The following ROGDI variants were observed in gnomAD, a reference collection of about 807,000 sequenced individuals.
ROGDI encodes rogdi atypical leucine zipper, also known as protein rogdi homolog.
In ROGDI, 46 loss-of-function variants were observed where a neutral mutation model predicts 43.1. The ratio of observed to expected loss-of-function variants is 1.07; its 90% CI spans 0.84 to 1.37. ROGDI has a LOEUF of 1.37. Among genes scored for constraint, ROGDI ranks in the 40% most tolerant of loss-of-function variants. ROGDI has a pLI of 0.00. For synonymous variants in ROGDI, 243 were observed against 162.0 expected, an observed-to-expected ratio of 1.50 and a Z score of -3.80; for missense variants, 518 against 383.9, an observed-to-expected ratio of 1.35 and a Z score of -2.92.
At position 4,801,297 on chromosome 16, in the gene ROGDI, C is replaced by G; in HGVS notation, c.225G>C (p.Leu75=). 1 of 1,609,424 alleles carries G rather than the reference C, an allele frequency of 6.2e-7. No individual in the cohort carries two copies. Among genetic ancestry groups the G allele is most frequent in the African/African-American group, 1.3e-5 (1 of 74,968 alleles). The change falls in exon 4 of 11, where the codon CTG becomes CTC. Residue 75 remains leucine (L), a synonymous_variant. Transcript: ENST00000322048. ...SCGTDQVKGV[L]TLQGDALSQA... is the part of the protein sequence containing the mutation. ...GGCTGAGGGCATCCCCCTGCAGAGT[C>G]AGCACACCCTTCACCTGGTCTGTGC...
chr16:4,802,038 G>A (rs761482105), intron 2 of ROGDI: 9 of 589,516 alleles, frequency 1.5e-5, no homozygotes, highest in South Asian at 1.2e-4. Context: ...AGAAAAGGGA[G>A]GCCCAGGGAG....
intron 5 of ROGDI, 28 bp downstream of exon 5, chr16:4,800,470 G>A (rs1182807596): frequency 6.5e-7 from 1 of 1,539,448 alleles, no homozygotes; most frequent in Non-Finnish European, 8.8e-7. Context: ...CCTTGTGGCT[G>A]AGCACTAGCC....
At chr16:4,799,880 A>G (rs1482348883) in intron 5 of ROGDI, 99 bp from the exon 6 acceptor site, 6 of 827,488 alleles carry the variant, frequency 7.3e-6, no homozygotes, top group African/African-American at 6.8e-5. Context: ...TCCACTCTCC[A>G]CACTGTCATC....
At chr16:4,802,494 C>A (rs2082745776) in intron 1 of ROGDI, 33 bp downstream of exon 1, 1 of 1,210,202 alleles carries the variant, frequency 8.3e-7, no homozygotes, top group Admixed American at 4.5e-5. Context: ...CCCCGCCGCC[C>A]CGCCGGCCCG....
At position 4,797,827 on chromosome 16, in the gene ROGDI, G is replaced by A. The variant is rs764317895; in HGVS notation, c.709C>T (p.Gln237Ter). The change falls in exon 10 of 11, where the codon CAG (glutamine) becomes TAG (stop). Residue 237 changes from glutamine to a stop codon, truncating the protein, a stop_gained. Coordinates refer to ENST00000322048, the MANE Select transcript of ROGDI (RefSeq NM_024589.3). LOFTEE classifies it high-confidence loss of function. ...TGCACGTGGCTCACCTCCAGGCGCT[G>A]AGAGCCCCACTCGCTGTGGGCAGTG... The part of the protein sequence containing the change: ...SPGAMFEWGS[Q>*]RLEVSHVHKV... The A allele has an allele frequency of 3.7e-6, 6 of 1,611,962 alleles. No homozygotes were observed. In the South Asian group the frequency reaches 6.6e-5, roughly 18 times the overall value.
chr16:4,799,287 G>A (rs12596303), intron 6 of ROGDI, among the ~76,000 whole-genome samples: 1 of 152,074 alleles, frequency 6.6e-6, no homozygotes, highest in South Asian at 2.1e-4. Flanking sequence ...AGGGATCTTA[G>A]TCTATCTGGT....
At position 4,800,559 on chromosome 16, in the gene ROGDI, G is replaced by A. The variant is rs777014363; in HGVS notation, c.275C>T (p.Pro92Leu). 3 of 1,568,204 alleles carry A rather than the reference G, an allele frequency of 1.9e-6. No homozygotes were observed. Among genetic ancestry groups the A allele is most frequent in the Non-Finnish European group, 1.7e-6 (2 of 1,155,826 alleles). Reference protein sequence around the residue: ...LSQADVNLKMPRNNQLLHFAF... With the variant: ...LSQADVNLKMLRNNQLLHFAF... Reference sequence around the variant, plus strand: ...GAAGTGCAGCAGCTGGTTGTTCCGGGGCATCTTCAGGTTCACATCCTGACA... The same window carrying A: ...GAAGTGCAGCAGCTGGTTGTTCCGGAGCATCTTCAGGTTCACATCCTGACA... Residue 92 changes from proline (P) to leucine (L), a missense_variant, in exon 5 of 11, where the codon CCC (proline) becomes CTC (leucine). Coordinates refer to ENST00000322048, the MANE Select transcript of ROGDI (RefSeq NM_024589.3).
At chr16:4,800,985 T>C in intron 4 of ROGDI, 3 of 511,444 alleles carry the variant, frequency 5.9e-6, no homozygotes, top group East Asian at 3.2e-5. Context: ...CTGATTCAAC[T>C]GTGATGTGTG....
Position 4,797,463 on chromosome 16 carries a change from G to T in ROGDI, c.861C>A (p.Phe287Leu). The T allele has an allele frequency of 6.2e-7, 1 of 1,613,272 alleles. No homozygotes were observed. Among genetic ancestry groups the T allele is most frequent in the Non-Finnish European group, 8.5e-7 (1 of 1,179,502 alleles). Reference sequence around the variant, plus strand: ...GACAAGCTCCTGGGTGCTGTGATCAGAAGGGTCTGTAGCTCCAGTAGCTGG... The same window carrying T: ...GACAAGCTCCTGGGTGCTGTGATCATAAGGGTCTGTAGCTCCAGTAGCTGG... The part of the protein sequence containing the change: ...VFSSYWSYRP[F>L] The change falls in exon 11 of 11, where the codon TTC (phenylalanine) becomes TTA (leucine). Residue 287 changes from phenylalanine to leucine, a missense_variant. By Grantham distance (22) the Phe-to-Leu change is conservative. Coordinates refer to ENST00000322048, the MANE Select transcript of ROGDI (RefSeq NM_024589.3).
intron 2 of ROGDI, 163 bp downstream of exon 2, chr16:4,802,219 T>A: frequency 2.9e-6 from 2 of 692,992 alleles, no homozygotes; most frequent in Non-Finnish European, 5.1e-6. Flanking sequence ...CAGGTACTTA[T>A]ATAATGAGGT....
intron 10 of ROGDI, 22 bp from the exon 11 acceptor site, chr16:4,797,523 T>TTGCTGGGGGAGAGGGTGCTGC: frequency 6.3e-7 from 1 of 1,596,642 alleles, no homozygotes; most frequent in Non-Finnish European, 8.5e-7. Flanking sequence ...GAGGGTGCTG[T>TTGCTGGGGGAGAGGGTGCTGC]AGGTTGCTGA....
chr16:4,797,822 G>A lies in ROGDI; in HGVS notation c.714C>T (p.Arg238=), dbSNP rs767322805. 27 of 1,612,064 alleles carry A rather than the reference G, an allele frequency of 1.7e-5. No individual in the cohort carries two copies. Among genetic ancestry groups the A allele is most frequent in the African/African-American group, 5.3e-5 (4 of 74,900 alleles). The part of the protein sequence containing the change: ...PGAMFEWGSQ[R]LEVSHVHKVE... ...CTTTGTGCACGTGGCTCACCTCCAG[G>A]CGCTGAGAGCCCCACTCGCTGTGGG... The change falls in exon 10 of 11, where the codon CGC becomes CGT. Residue 238 remains arginine, a synonymous_variant. Transcript: ENST00000322048.
chr16:4,798,418 C>T (rs1341564401), intron 7 of ROGDI, 151 bp downstream of exon 7: 18 of 724,916 alleles, frequency 2.5e-5, no homozygotes, highest in African/African-American at 8.9e-5. Flanking sequence ...GGGCACAGGA[C>T]GGAAGCCAAG....
chr16:4,801,682 G>C, intron 2 of ROGDI, 97 bp from the exon 3 acceptor site: 4 of 1,206,656 alleles, frequency 3.3e-6, no homozygotes, highest in Non-Finnish European at 3.5e-6. Context: ...TCAGCGGGGG[G>C]AAGGAACAAC....
At position 4,800,372 on chromosome 16, in the gene ROGDI, A is replaced by C. The variant is rs2082700208; in HGVS notation, c.336+126T>G. On this transcript the variant is annotated intron_variant, in intron 5 of 10. Transcript: ENST00000322048. ...GCCTGCCCCCAGCTTTGCTGTTAGGAAACACCCTCCCAGGCTTGCTGTGGC... is the reference window on the plus strand; with the variant it reads ...GCCTGCCCCCAGCTTTGCTGTTAGGCAACACCCTCCCAGGCTTGCTGTGGC... The C allele has an allele frequency of 7.9e-6, 6 of 757,398 alleles. No homozygotes were observed. The Admixed American group carries it at 1.3e-4, about 17-fold the overall frequency. 46.9% of individuals were successfully genotyped at this position (757,398 alleles called of 1,614,324 possible).
chr16:4,801,856 G>C lies in ROGDI; in HGVS notation c.118-271C>G, dbSNP rs562203702. The C allele has an allele frequency of 2.4e-5, 14 of 586,632 alleles. No homozygotes were observed. In the African/African-American group the frequency reaches 2.6e-4, roughly 11 times the overall value. The allele number at this position is 586,632 out of a possible 1,614,324, so 36.3% of individuals were successfully genotyped here. A position where few individuals can be genotyped will look rare whatever the true frequency, so the allele number is the denominator to read the frequency against. On this transcript the variant is annotated intron_variant, in intron 2 of 10. Coordinates refer to ENST00000322048, the MANE Select transcript of ROGDI (RefSeq NM_024589.3). ...CAGACAGGGGCAGCCTCCCAGCTTG[G>C]TTGAGGGGGAAAGGGGCAAGGGGCA...
rs1596273787 is a variant in ROGDI at position 4,797,338 on chromosome 16, G to T, written c.*122C>A. 1 of 811,956 alleles carries T rather than the reference G, an allele frequency of 1.2e-6. No individual in the cohort carries two copies. Among genetic ancestry groups the T allele is most frequent in the South Asian group, 1.8e-5 (1 of 56,992 alleles). The allele number at this position is 811,956 out of a possible 1,614,324, so 50.3% of individuals were successfully genotyped here. A position where few individuals can be genotyped will look rare whatever the true frequency, so the allele number is the denominator to read the frequency against. ...TCCCGGCAGTGCAAATGTGTTAGGT[G>T]GGGTAGGGGGTGGGATAGGGAGATA... On this transcript the variant is annotated 3_prime_UTR_variant, in exon 11 of 11. Transcript: ENST00000322048.
intron 4 of ROGDI, 99 bp from the exon 5 acceptor site, chr16:4,800,677 G>T: frequency 9.9e-7 from 1 of 1,010,418 alleles, no homozygotes; most frequent in Non-Finnish European, 1.5e-6. Flanking sequence ...GGTGTGTGGT[G>T]GTTCAGGCCT....
At position 4,797,363 on chromosome 16, in the gene ROGDI, A is replaced by T; in HGVS notation, c.*97T>A. 8.9e-7 allele frequency: 1 copy of T among 1,125,844 alleles called. No individual in the cohort carries two copies. Among genetic ancestry groups the T allele is most frequent in the Non-Finnish European group, 1.3e-6 (1 of 771,812 alleles). 69.7% of individuals were successfully genotyped at this position (1,125,844 alleles called of 1,614,324 possible). A position where few individuals can be genotyped will look rare whatever the true frequency, so the allele number is the denominator to read the frequency against. On this transcript the variant is annotated 3_prime_UTR_variant, in exon 11 of 11. Coordinates refer to ENST00000322048, the MANE Select transcript of ROGDI (RefSeq NM_024589.3). Reference sequence around the variant, plus strand: ...GGGGTAGGGGGTGGGATAGGGAGATAAATAGCAGCCTGGCGTTGGCACTGG... The same window carrying T: ...GGGGTAGGGGGTGGGATAGGGAGATTAATAGCAGCCTGGCGTTGGCACTGG...
Sources: gnomAD v4.1 joint callset for allele counts (sites outside exome capture counted in the v4.1 genomes callset) on GRCh38, gnomAD v4.1.1 for gene constraint, MANE v1.5 for transcripts, NCBI Gene and HGNC (gene_info 2026-07-23, HGNC 2026-07-21) for gene names.